Variants in C2orf76 observed in about 807,000 individuals in gnomAD.
C2orf76 encodes the protein UPF0538 protein C2orf76.
A neutral mutation model predicts 16.9 loss-of-function variants in C2orf76; 23 were observed. The observed-to-expected ratio is 1.36, with a 90% CI of 0.98 to 1.93. C2orf76 has a LOEUF of 1.93. Among genes scored for constraint, C2orf76 ranks in the 30% most tolerant of loss-of-function variants. C2orf76 has a pLI of 0.00. For synonymous variants in C2orf76, 48 were observed against 52.3 expected, an observed-to-expected ratio of 0.92 and a Z score of 0.35; for missense variants, 152 against 152.6, an observed-to-expected ratio of 1.00 and a Z score of 0.02.
intron 4 of C2orf76, among the ~76,000 whole-genome samples, chr2:119,313,197 C>T (rs2104550727): frequency 6.6e-6 from 1 of 152,092 alleles, no homozygotes; most frequent in East Asian, 1.9e-4. Context: ...GCAGCCAAAT[C>T]AGAAGCCCAA....
intron 4 of C2orf76, among the ~76,000 whole-genome samples, chr2:119,316,850 C>G (rs1679188385): frequency 6.6e-6 from 1 of 152,018 alleles, no homozygotes; most frequent in African/African-American, 2.4e-5. Context: ...GTATGATAAA[C>G]AAATCTTTGA....
chr2:119,363,511 A>G (rs986461720), intron 1 of C2orf76, among the ~76,000 whole-genome samples: 1 of 152,166 alleles, frequency 6.6e-6, no homozygotes, highest in Non-Finnish European at 1.5e-5. Context: ...GTAACCGGAA[A>G]GAAAATACAG....
intron 2 of C2orf76, among the ~76,000 whole-genome samples, chr2:119,338,108 A>C (rs1679908920): frequency 6.6e-6 from 1 of 152,238 alleles, no homozygotes; most frequent in Non-Finnish European, 1.5e-5. Flanking sequence ...GACCTTTCAA[A>C]AGCAGGACAC....
intron 5 of C2orf76, 27 bp downstream of exon 5, chr2:119,311,595 C>T: frequency 6.2e-7 from 1 of 1,606,850 alleles, no homozygotes; most frequent in Non-Finnish European, 8.5e-7. Context: ...AGGTCCCCCT[C>T]CAGCAACACA....
intron 1 of C2orf76, among the ~76,000 whole-genome samples, chr2:119,358,591 A>G (rs965883627): frequency 6.6e-6 from 1 of 151,650 alleles, no homozygotes; most frequent in East Asian, 1.9e-4. Flanking sequence ...AAAAAAAAAA[A>G]AAAAAAGGCA....
intron 5 of C2orf76, 114 bp downstream of exon 5, chr2:119,311,507 CA>C (rs1188626432): frequency 6.8e-7 from 1 of 1,464,760 alleles, no homozygotes; most frequent in Non-Finnish European, 9.0e-7. Flanking sequence ...CGGGCAGTGT[CA>C]GGGGGACCAA....
At chr2:119,292,469 G>GC in the C2orf76 span, among the ~76,000 whole-genome samples, 545 of 152,268 alleles carry the variant, frequency 3.6e-3, 4 homozygotes, top group African/African-American at 0.012. Context: ...GCATGAAAAT[G>GC]CAAGTGCAGC....
intron 1 of C2orf76, among the ~76,000 whole-genome samples, chr2:119,360,984 A>C (rs1680726968): frequency 6.6e-6 from 1 of 152,240 alleles, no homozygotes; most frequent in Non-Finnish European, 1.5e-5. Context: ...AGGAGGAGCT[A>C]GGTAGTGGTT....
At chr2:119,300,522 C>G (rs749039258), downstream of C2orf76, among the ~76,000 whole-genome samples, 10 of 152,304 alleles carry the variant, frequency 6.6e-5, no homozygotes, top group Admixed American at 2.6e-4. Flanking sequence ...CTGGCCTTAT[C>G]TTCCTCTACT....
At chr2:119,283,686 C>G in the C2orf76 span, among the ~76,000 whole-genome samples, 4 of 151,890 alleles carry the variant, frequency 2.6e-5, no homozygotes, top group Non-Finnish European at 4.4e-5. Flanking sequence ...TGTTGGCCAG[C>G]CTGGTCTTGA....
At position 119,347,322 on chromosome 2, in the gene C2orf76, G is replaced by C. The variant is rs1680235617; in HGVS notation, c.-12-7351C>G. 2.0e-5 allele frequency among the ~76,000 whole-genome samples: 3 copies of C among 152,320 alleles called. No individual in the cohort carries two copies. The South Asian group carries it at 6.2e-4, about 32-fold the overall frequency. On this transcript the variant is annotated intron_variant, in intron 1 of 5. Coordinates refer to ENST00000334816, the MANE Select transcript of C2orf76 (RefSeq NM_001322331.2). ...AATGGCATGAGAAATAAAGAAAAGAGAGGAAGGCTATATATTAAAAGAGAC... is the reference window on the plus strand; with the variant it reads ...AATGGCATGAGAAATAAAGAAAAGACAGGAAGGCTATATATTAAAAGAGAC...
the C2orf76 span, among the ~76,000 whole-genome samples, chr2:119,291,133 C>T: frequency 4.6e-5 from 7 of 151,974 alleles, no homozygotes; most frequent in African/African-American, 7.2e-5. Context: ...TGGACTTCTC[C>T]GCGTAACGAG....
At chr2:119,313,779 A>G (rs112104151) in intron 4 of C2orf76, among the ~76,000 whole-genome samples, 3,031 of 152,134 alleles carry the variant, frequency 0.02, 50 homozygotes, top group Admixed American at 0.041. Flanking sequence ...ACAGTATATT[A>G]GCAAAGCCTT....
At chr2:119,319,973 G>C (rs116045119) in intron 3 of C2orf76, among the ~76,000 whole-genome samples, 1,815 of 152,198 alleles carry the variant, frequency 0.012, 16 homozygotes, top group South Asian at 0.02. Context: ...AACTCGAGTG[G>C]TTCTATAATT....
intron 2 of C2orf76, among the ~76,000 whole-genome samples, chr2:119,325,329 G>A (rs192419707): frequency 0.015 from 2,211 of 151,856 alleles, 47 homozygotes; most frequent in African/African-American, 0.05. Context: ...GCGTGGTGGC[G>A]GGTGCCTGTA....
At chr2:119,317,432 G>A (rs932435282) in intron 4 of C2orf76, 34 bp downstream of exon 4, 2 of 1,486,424 alleles carry the variant, frequency 1.3e-6, no homozygotes, top group Admixed American at 2.0e-5. Context: ...TTGATTACTT[G>A]CTATGTGCCA....
intron 1 of C2orf76, 136 bp downstream of exon 1, chr2:119,366,654 C>A: frequency 2.4e-6 from 1 of 422,652 alleles, no homozygotes; most frequent in Admixed American, 3.5e-5. Flanking sequence ...AGAAAAGAAA[C>A]ATAAGGACCT....
At chr2:119,289,565 AG>A in the C2orf76 span, among the ~76,000 whole-genome samples, 1 of 152,004 alleles carries the variant, frequency 6.6e-6, no homozygotes, top group African/African-American at 2.4e-5. Flanking sequence ...ACGCGCCTAT[AG>A]TCCCAGCTAC....
chr2:119,337,750 A>T (rs1408752648), intron 2 of C2orf76, among the ~76,000 whole-genome samples: 5 of 152,210 alleles, frequency 3.3e-5, no homozygotes, highest in African/African-American at 1.2e-4. Context: ...CAATTGAAAC[A>T]AGCAGTGGCT....
Sources: allele counts gnomAD v4.1 joint callset (sites outside exome capture counted in the v4.1 genomes callset), GRCh38; gene constraint gnomAD v4.1.1; transcripts MANE v1.5; gene names NCBI Gene and HGNC (gene_info 2026-07-23, HGNC 2026-07-21).